The following MYH14 variants were observed in gnomAD, a reference collection of about 807,000 sequenced individuals.
The protein encoded by MYH14 is myosin-14.
A neutral mutation model predicts 255.5 loss-of-function variants in MYH14; 123 were observed. The ratio of observed to expected loss-of-function variants is 0.48; its 90% CI spans 0.42 to 0.56. MYH14 has a LOEUF of 0.56. Among genes scored for constraint, MYH14 ranks in the 20% least tolerant of loss-of-function variants. The pLI is 0.00. For synonymous variants in MYH14, 1,095 were observed against 1,161.2 expected (o/e 0.94, Z 1.16); for missense variants, 2,423 against 2,802.3 (o/e 0.86, Z 3.06).
At chr19:50,210,308 A>G in intron 1 of MYH14, 55 bp from the exon 2 acceptor site, 1 of 1,466,556 alleles carries the variant, frequency 6.8e-7, no homozygotes, top group Non-Finnish European at 9.1e-7. Context: ...TAGGGAAGGG[A>G]GGCCCGGGGG....
At chr19:50,285,373 C>T (rs747917391) in intron 33 of MYH14, 17 of 152,114 alleles carry the variant, frequency 1.1e-4, no homozygotes, top group Non-Finnish European at 2.4e-4. Context: ...GTTTTCTCAC[C>T]GAGGAAGAGG....
At chr19:50,232,091 C>T (rs1419046908) in intron 10 of MYH14, 21 bp downstream of exon 10, 6 of 1,608,424 alleles carry the variant, frequency 3.7e-6, no homozygotes, top group African/African-American at 1.3e-5. Context: ...CCCGTGGAGG[C>T]CAGGGGTAGG....
chr19:50,240,543 C>A (rs920342742), intron 10 of MYH14, among the ~76,000 whole-genome samples: 1 of 152,090 alleles, frequency 6.6e-6, no homozygotes, highest in Non-Finnish European at 1.5e-5. Context: ...TCACACCACA[C>A]CACTGCACTC....
At position 50,230,915 on chromosome 19, in the gene MYH14, G is replaced by A. The variant is rs112520005; in HGVS notation, c.973+292G>A. 1.6e-3 allele frequency: 697 copies of A among 424,324 alleles called. 9 individuals carry two copies. The highest frequency in any genetic ancestry group is 0.013 in the African/African-American group (632 of 49,810). 26.3% of individuals were successfully genotyped at this position (424,324 alleles called of 1,614,324 possible). ...TGCTCACGCTCGCTTCCGAAGCTCC[G>A]TGGCTTCTCTCTCGCGCGGCTTCTC... On this transcript the variant is annotated intron_variant, in intron 9 of 42. Transcript: ENST00000642316. The surrounding 1 kb of genome is among the most constrained non-coding windows in gnomAD (Gnocchi z 4.7).
chr19:50,309,699 G>A lies in MYH14; in HGVS notation c.6020G>A (p.Gly2007Asp). ...TVRQVFRLEE[G>D]VASDEEAEEA... is the part of the protein sequence containing the mutation. ...CGCCAGGTCTTCCGACTAGAGGAGG[G>A]CGTGGCATCCGACGAGGAGGCAGAG... is the stretch of plus-strand genomic sequence containing the variant. The change falls in exon 43 of 43, where the codon GGC (glycine) becomes GAC (aspartate). Residue 2007 changes from glycine (G) to aspartate (D), a missense_variant. This residue lies in a region of MYH14 where 1,513 missense variants were observed against 1,674.8 expected (regional missense o/e 0.90). Transcript: ENST00000642316. The A allele has an allele frequency of 6.2e-7, 1 of 1,608,670 alleles. No individual in the cohort carries two copies. The highest frequency in any genetic ancestry group is 8.5e-7 in the Non-Finnish European group (1 of 1,177,910).
intron 1 of MYH14, among the ~76,000 whole-genome samples, chr19:50,206,535 C>A (rs866985580): frequency 2.0e-5 from 3 of 152,166 alleles, no homozygotes; most frequent in African/African-American, 4.8e-5. Context: ...GGTGGAGAAA[C>A]TCCCTGCTGC....
At chr19:50,297,764 G>T (rs953173670) in intron 39 of MYH14, among the ~76,000 whole-genome samples, 2 of 151,918 alleles carry the variant, frequency 1.3e-5, no homozygotes, top group African/African-American at 4.8e-5. Context: ...CTCCCAAATT[G>T]CTGGGATTAC....
In MYH14 at chr19:50,223,264, G is replaced by A; in HGVS notation, c.608G>A (p.Gly203Glu). 1 of 1,612,474 alleles carries A rather than the reference G, an allele frequency of 6.2e-7. No individual in the cohort carries two copies. The highest frequency in any genetic ancestry group is 8.5e-7 in the Non-Finnish European group (1 of 1,179,140). ...SILCTGESGA[G>E]KTENTKKVIQ... The stretch of plus-strand genomic sequence containing the variant: ...CCCCACAGTGGAGAGTCTGGAGCTG[G>A]GAAGACGGAAAACACCAAGAAGGTC... The change falls in exon 5 of 43, where the codon GGG (glycine) becomes GAG (glutamate). Residue 203 changes from glycine (G) to glutamate (E), a missense_variant. Gly to Glu is a moderately conservative substitution (Grantham distance 98). Coordinates refer to ENST00000642316, the MANE Select transcript of MYH14 (RefSeq NM_001145809.2).
At chr19:50,307,608 G>A (rs113120304) in intron 41 of MYH14, among the ~76,000 whole-genome samples, 182 of 152,312 alleles carry the variant, frequency 1.2e-3, no homozygotes, top group African/African-American at 4.0e-3. Context: ...GCTGGTAAGA[G>A]GTGGGGTCAG....
At position 50,244,310 on chromosome 19, in the gene MYH14, G is replaced by A. The variant is rs771031207; in HGVS notation, c.1183G>A (p.Asp395Asn). Residue 395 changes from aspartate to asparagine, a missense_variant, in exon 11 of 43, where the codon GAT becomes AAT. By Grantham distance (23) the Asp-to-Asn change is conservative. Transcript: ENST00000642316. Reference protein sequence around the residue: ...NIALKRERNTDQATMPDNTAA... With the variant: ...NIALKRERNTNQATMPDNTAA... ...TGCCTTGAAGAGAGAACGGAACACC[G>A]ATCAAGCCACCATGCCTGACAACAC... 65 of 1,613,472 alleles carry A rather than the reference G, an allele frequency of 4.0e-5. No individual in the cohort carries two copies. Among genetic ancestry groups the A allele is most frequent in the Non-Finnish European group, 5.5e-5 (65 of 1,179,844 alleles).
chr19:50,249,316 C>CGA, intron 13 of MYH14, 177 bp downstream of exon 13: 1 of 765,218 alleles, frequency 1.3e-6, no homozygotes, highest in Non-Finnish European at 2.0e-6. Flanking sequence ...TCCCCTGTCT[C>CGA]TGGGTCTCTG....
In MYH14 at chr19:50,259,327, C is replaced by T. The variant is rs1293424063; in HGVS notation, c.2354+62C>T. 8 of 1,542,390 alleles carry T rather than the reference C, an allele frequency of 5.2e-6. No individual in the cohort carries two copies. The African/African-American group carries it at 5.5e-5, about 11-fold the overall frequency. ...CTGGGTGGGACCCGGGTCTGGAAGC[C>T]GACACACCTGCATTCAGGTCTCCAC... On this transcript the variant is annotated intron_variant, in intron 19 of 42. Transcript: ENST00000642316.
intron 24 of MYH14, 96 bp from the exon 25 acceptor site, chr19:50,271,313 G>A (rs1010250007): frequency 2.1e-5 from 28 of 1,335,410 alleles, no homozygotes; most frequent in South Asian, 1.1e-4. Flanking sequence ...CACAAGCCGC[G>A]GGGATCCGTG....
intron 39 of MYH14, among the ~76,000 whole-genome samples, chr19:50,299,096 CAA>C (rs1313000378): frequency 6.6e-6 from 1 of 151,070 alleles, no homozygotes. Context: ...CTCCAGAAAA[CAA>C]AAAACAAAAA....
At chr19:50,217,913 A>T in intron 3 of MYH14, 142 bp downstream of exon 3, 1 of 963,862 alleles carries the variant, frequency 1.0e-6, no homozygotes, top group South Asian at 1.7e-5. Context: ...TGGAGGGAGC[A>T]CAAGTAGAGG....
chr19:50,238,590 T>C (rs1463117754), intron 10 of MYH14, among the ~76,000 whole-genome samples: 1 of 152,104 alleles, frequency 6.6e-6, no homozygotes, highest in Non-Finnish European at 1.5e-5. Context: ...CAGCTGAGAT[T>C]ATAGGCGCTC....
At chr19:50,249,174 C>A in intron 13 of MYH14, 35 bp downstream of exon 13, 1 of 1,537,452 alleles carries the variant, frequency 6.5e-7, no homozygotes, top group Non-Finnish European at 8.8e-7. Flanking sequence ...ATGCCAACTT[C>A]CTCACTCCGG....
At chr19:50,301,214 A>G (rs757087527) in intron 39 of MYH14, among the ~76,000 whole-genome samples, 5 of 152,200 alleles carry the variant, frequency 3.3e-5, no homozygotes, top group African/African-American at 4.8e-5. Flanking sequence ...TGCCCGTTAT[A>G]AGTGCAGATT....
Position 50,226,916 on chromosome 19 carries a change from G to A in MYH14, c.824G>A (p.Arg275His), listed in dbSNP as rs771559493. 8.7e-6 allele frequency: 14 copies of A among 1,613,752 alleles called. No individual in the cohort carries two copies. Among genetic ancestry groups the A allele is most frequent in the South Asian group, 3.3e-5 (3 of 91,084 alleles). Reference sequence around the variant, plus strand: ...GGTCTCTCCCAGGGCAAATTCATCCGCATCAACTTTGATGTTGCCGGGTAC... The same window carrying A: ...GGTCTCTCCCAGGGCAAATTCATCCACATCAACTTTGATGTTGCCGGGTAC... Reference protein sequence around the residue: ...DNSSRFGKFIRINFDVAGYIV... With the variant: ...DNSSRFGKFIHINFDVAGYIV... The change falls in exon 8 of 43, where the codon CGC (arginine) becomes CAC (histidine). Residue 275 changes from arginine to histidine, a missense_variant. Transcript: ENST00000642316.
Sources: gnomAD v4.1 joint callset for allele counts (sites outside exome capture counted in the v4.1 genomes callset) on GRCh38, gnomAD v4.1.1 for gene constraint, gnomAD v4.1.1 regional missense constraint, Gnocchi (gnomAD v3.1) non-coding constraint, MANE v1.5 for transcripts, NCBI Gene and HGNC (gene_info 2026-07-23, HGNC 2026-07-21) for gene names.